The following ZNF570 variants were observed in gnomAD, a reference collection of about 807,000 sequenced individuals.
ZNF570 encodes the protein zinc finger protein 570.
Under a neutral mutation model 14.2 loss-of-function variants are expected in ZNF570, and 8 were observed. The ratio of observed to expected loss-of-function variants is 0.56; its 90% CI spans 0.33 to 1.02. The LOEUF (loss-of-function observed/expected upper bound fraction) is 1.02, where lower values mean the gene tolerates loss of function less well. Among genes scored for constraint, ZNF570 ranks in the 50% least tolerant of loss-of-function variants. The pLI, the probability that ZNF570 is intolerant of heterozygous loss-of-function variation, is 0.03. For missense variants in ZNF570, 559 were observed against 624.9 expected (o/e 0.89, Z 1.12); for synonymous variants, 202 against 207.6 (o/e 0.97, Z 0.23).
rs757543501 is a variant in ZNF570 at position 37,476,003 on chromosome 19, A to T, written c.156A>T (p.Ser52=). 1.9e-6 allele frequency: 3 copies of T among 1,608,992 alleles called. No homozygotes were observed. In the South Asian group the frequency reaches 3.3e-5, roughly 18 times the overall value. ...TAGAGAACTACAGGATCTTGGTATC[A>T]CTGGGTAAGGATATCTTCTTGCAAA... The part of the protein sequence containing the change: ...VMLENYRILV[S]LGLCFSKPSV... The change falls in exon 3 of 5, where the codon TCA becomes TCT. Residue 52 remains serine, a synonymous_variant. Transcript: ENST00000330173.
Position 37,470,186 on chromosome 19 carries a change from C to G in ZNF570, c.-51-118C>G, listed in dbSNP as rs74376271. On this transcript the variant is annotated intron_variant, in intron 1 of 4. Coordinates refer to ENST00000330173, the MANE Select transcript of ZNF570 (RefSeq NM_144694.5). ...AACAAATTCCTAGGTCTCCATTATGCTCTCTCTATTGGAGGGAAGGTTGCA... is the reference window on the plus strand; with the variant it reads ...AACAAATTCCTAGGTCTCCATTATGGTCTCTCTATTGGAGGGAAGGTTGCA... 1,350 of 826,872 alleles carry G rather than the reference C, an allele frequency of 1.6e-3. 16 individuals are homozygous for G. The African/African-American group carries it at 0.021, about 13-fold the overall frequency. 51.2% of individuals were successfully genotyped at this position (826,872 alleles called of 1,614,324 possible). A position where few individuals can be genotyped will look rare whatever the true frequency, so the allele number is the denominator to read the frequency against.
rs1388743872 is a variant in ZNF570, at chr19:37,484,526, T to C, written c.904T>C (p.Tyr302His). 6.2e-7 allele frequency: 1 copy of C among 1,613,952 alleles called. No homozygotes were observed. The highest frequency in any genetic ancestry group is 8.5e-7 in the Non-Finnish European group (1 of 1,180,006). Residue 302 changes from tyrosine (Y) to histidine (H), a missense_variant, in exon 5 of 5, where the codon TAC (tyrosine) becomes CAC (histidine). Transcript: ENST00000330173. ...HLRVHTGEKP[Y>H]ECKVCRKAFS... Reference sequence around the variant, plus strand: ...GCGAGTTCATACTGGAGAAAAACCTTACGAATGTAAGGTATGTCGAAAAGC... The same window carrying C: ...GCGAGTTCATACTGGAGAAAAACCTCACGAATGTAAGGTATGTCGAAAAGC...
At chr19:37,481,061 A>G (rs946416375) in intron 4 of ZNF570, among the ~76,000 whole-genome samples, 1 of 151,878 alleles carries the variant, frequency 6.6e-6, no homozygotes, top group African/African-American at 2.4e-5. Context: ...TATACTATTC[A>G]TATCAACTTT....
Position 37,475,902 on chromosome 19 carries a change from G to A in ZNF570, c.55G>A (p.Val19Met). The change falls in exon 3 of 5, where the codon GTG becomes ATG. Residue 19 changes from valine to methionine, a missense_variant. Val to Met is a conservative substitution (Grantham distance 21). Coordinates refer to ENST00000330173, the MANE Select transcript of ZNF570 (RefSeq NM_144694.5). ...MYQELVTFRDVAVDFSQEEWD... is the reference protein window; with the variant it reads ...MYQELVTFRDMAVDFSQEEWD... ...TCAGGAGTTGGTGACCTTCAGAGAT[G>A]TGGCTGTAGACTTCTCCCAAGAGGA... 1 of 1,613,032 alleles carries A rather than the reference G, an allele frequency of 6.2e-7. No homozygotes were observed. Among genetic ancestry groups the A allele is most frequent in the Non-Finnish European group, 8.5e-7 (1 of 1,179,674 alleles).
rs754066343 is a variant in ZNF570, at chr19:37,484,553, T to G, written c.931T>G (p.Phe311Val). Residue 311 changes from phenylalanine to valine, a missense_variant, in exon 5 of 5, where the codon TTC becomes GTC. Transcript: ENST00000330173. Reference sequence around the variant, plus strand: ...CGAATGTAAGGTATGTCGAAAAGCCTTCAGCCAGTTTGCCTACCTTGCTCA... The same window carrying G: ...CGAATGTAAGGTATGTCGAAAAGCCGTCAGCCAGTTTGCCTACCTTGCTCA... ...PYECKVCRKA[F>V]SQFAYLAQHQ... 2.5e-6 allele frequency: 4 copies of G among 1,614,140 alleles called. No individual in the cohort carries two copies. The highest frequency in any genetic ancestry group is 3.4e-6 in the Non-Finnish European group (4 of 1,180,016).
intron 4 of ZNF570, 65 bp from the exon 5 acceptor site, chr19:37,483,814 A>G (rs2042113227): frequency 2.0e-6 from 3 of 1,466,832 alleles, no homozygotes; most frequent in Non-Finnish European, 2.7e-6. Flanking sequence ...TTACAGATGT[A>G]CTTTATTAAA....
intron 2 of ZNF570, 82 bp downstream of exon 2, chr19:37,470,469 G>A (rs565427084): frequency 2.2e-6 from 3 of 1,337,904 alleles, no homozygotes; most frequent in South Asian, 1.2e-5. Context: ...CTGCTGAAAC[G>A]TTTCTGGGTA....
At chr19:37,475,108 C>T (rs1424439776) in intron 2 of ZNF570, among the ~76,000 whole-genome samples, 2 of 151,740 alleles carry the variant, frequency 1.3e-5, no homozygotes, top group Non-Finnish European at 2.9e-5. Flanking sequence ...GGACTACAGG[C>T]ATGTGCCACC....
intron 2 of ZNF570, 36 bp downstream of exon 2, chr19:37,470,423 T>A: frequency 6.3e-7 from 1 of 1,595,298 alleles, no homozygotes; most frequent in Non-Finnish European, 8.6e-7. Context: ...TGAATACCTG[T>A]CTGCTTTTCA....
At chr19:37,468,073 T>G (rs985895122), upstream of ZNF570, 31 of 506,554 alleles carry the variant, frequency 6.1e-5, no homozygotes, top group Admixed American at 4.2e-5. Context: ...CCTTTCGTGT[T>G]TTTTTTTTTT....
Position 37,480,267 on chromosome 19 carries a change from C to T in ZNF570, c.257-3612C>T, listed in dbSNP as rs145731398. 6.3e-3 allele frequency among the ~76,000 whole-genome samples: 955 copies of T among 152,252 alleles called. 25 individuals carry two copies. Among genetic ancestry groups the T allele is most frequent in the East Asian group, 0.053 (272 of 5,170 alleles). Reference sequence around the variant, plus strand: ...TTGGGAGGCCGAGGCGGGTGGATCACGAGGTCAAGAAATCGAGACCAGCCT... The same window carrying T: ...TTGGGAGGCCGAGGCGGGTGGATCATGAGGTCAAGAAATCGAGACCAGCCT... On this transcript the variant is annotated intron_variant, in intron 4 of 4. Coordinates refer to ENST00000330173, the MANE Select transcript of ZNF570 (RefSeq NM_144694.5).
intron 2 of ZNF570, among the ~76,000 whole-genome samples, chr19:37,472,758 AAAG>A (rs2041982953): frequency 6.6e-6 from 1 of 151,426 alleles, no homozygotes; most frequent in South Asian, 2.1e-4. Context: ...AAAAAAAAAA[AAAG>A]AAGGAAAGAA....
At chr19:37,481,346 G>T (rs73631095) in intron 4 of ZNF570, among the ~76,000 whole-genome samples, 31,358 of 151,970 alleles carry the variant, frequency 0.21, 3,442 homozygotes, top group South Asian at 0.32. Context: ...TAGAGATGGG[G>T]GTTTCACTAT....
intron 2 of ZNF570, among the ~76,000 whole-genome samples, chr19:37,475,537 A>G (rs1400304207): frequency 6.6e-6 from 1 of 152,186 alleles, no homozygotes; most frequent in Non-Finnish European, 1.5e-5. Flanking sequence ...CACATGTGCC[A>G]GGTTCTATTC....
chr19:37,484,426 T>C lies in ZNF570; in HGVS notation c.804T>C (p.His268=), dbSNP rs971197297. 1 of 1,613,956 alleles carries C rather than the reference T, an allele frequency of 6.2e-7. No individual in the cohort carries two copies. Among genetic ancestry groups the C allele is most frequent in the African/African-American group, 1.3e-5 (1 of 74,904 alleles). The change falls in exon 5 of 5, where the codon CAT becomes CAC. Residue 268 remains histidine (H), a synonymous_variant. Transcript: ENST00000330173. The part of the protein sequence containing the change: ...RSNLVQHQRI[H]TGEKPYECKE... Reference sequence around the variant, plus strand: ...ATCTTGTTCAACATCAGAGGATTCATACTGGAGAAAAACCCTATGAATGTA... The same window carrying C: ...ATCTTGTTCAACATCAGAGGATTCACACTGGAGAAAAACCCTATGAATGTA...
At chr19:37,482,847 TTCTC>T (rs148483911) in intron 4 of ZNF570, among the ~76,000 whole-genome samples, 22 of 138,814 alleles carry the variant, frequency 1.6e-4, no homozygotes, top group East Asian at 1.3e-3. Context: ...CTCTCTTTCT[TTCTC>T]TCTCTCTCTC....
upstream of ZNF570, chr19:37,467,844 T>C (rs1313671151): frequency 1.2e-5 from 18 of 1,534,176 alleles, no homozygotes; most frequent in Non-Finnish European, 1.0e-5. Context: ...TCGCGTTTTA[T>C]ATTCTCGTGG....
chr19:37,469,613 G>T, intron 1 of ZNF570, 56 bp downstream of exon 1: 2 of 1,503,358 alleles, frequency 1.3e-6, no homozygotes, highest in South Asian at 2.4e-5. Context: ...CGTCCTGTGT[G>T]ACTGGGTGCG....
At chr19:37,482,900 G>T (rs1323443925) in intron 4 of ZNF570, among the ~76,000 whole-genome samples, 1 of 128,106 alleles carries the variant, frequency 7.8e-6, no homozygotes, top group Non-Finnish European at 1.6e-5. Flanking sequence ...TGTCTCTCCT[G>T]CCACCTTGTA....
Sources: allele counts gnomAD v4.1 joint callset (sites outside exome capture counted in the v4.1 genomes callset), GRCh38; gene constraint gnomAD v4.1.1; transcripts MANE v1.5; gene names NCBI Gene and HGNC (gene_info 2026-07-23, HGNC 2026-07-21).